BCAR3: variants seen among roughly 807,000 people sequenced by gnomAD.
BCAR3 encodes the protein BCAR3 adaptor protein, NSP family member.
A neutral mutation model predicts 80.1 loss-of-function variants in BCAR3; 37 were observed. The ratio of observed to expected loss-of-function variants is 0.46; its 90% CI spans 0.36 to 0.61. The LOEUF is 0.61. Among genes scored for constraint, BCAR3 ranks in the 20% least tolerant of loss-of-function variants. The probability of loss-of-function intolerance (pLI) is 0.00; values close to 1 mark genes in which losing one functional copy is unlikely to be tolerated. For synonymous variants in BCAR3, 389 were observed against 418.9 expected, an observed-to-expected ratio of 0.93 and a Z score of 0.87; for missense variants, 978 against 1,068.2, an observed-to-expected ratio of 0.92 and a Z score of 1.18.
At chr1:93,582,199 A>T in intron 7 of BCAR3, 102 bp downstream of exon 7, 1 of 1,431,104 alleles carries the variant, frequency 7.0e-7, no homozygotes, top group Non-Finnish European at 9.4e-7. Flanking sequence ...GGCCAGATGG[A>T]TCCCCTCCTT....
intron 3 of BCAR3, among the ~76,000 whole-genome samples, chr1:93,639,873 T>C (rs998807872): frequency 7.9e-5 from 12 of 152,242 alleles, no homozygotes; most frequent in African/African-American, 2.4e-4. Context: ...AACTGGGTGC[T>C]TCCCCTGCCT....
intron 11 of BCAR3, among the ~76,000 whole-genome samples, chr1:93,564,383 A>G (rs1672848468): frequency 6.7e-6 from 1 of 149,234 alleles, no homozygotes; most frequent in Non-Finnish European, 1.5e-5. Flanking sequence ...GGTTCAAGCA[A>G]TTCTCCTGCC....
At chr1:93,703,833 G>A (rs979532738) in intron 3 of BCAR3, among the ~76,000 whole-genome samples, 1 of 152,172 alleles carries the variant, frequency 6.6e-6, no homozygotes, top group Non-Finnish European at 1.5e-5. Context: ...GCAGACAAAT[G>A]ACAAACAACA....
intron 2 of BCAR3, among the ~76,000 whole-genome samples, chr1:93,657,145 C>T (rs1571014459): frequency 6.6e-6 from 1 of 152,162 alleles, no homozygotes. Context: ...GAATTCCCAA[C>T]CAACATAAAG....
At chr1:93,753,124 A>C (rs1557676440) in intron 2 of BCAR3, 2 of 152,224 alleles carry the variant, frequency 1.3e-5, no homozygotes, top group Non-Finnish European at 1.5e-5. Context: ...GTTCAACTTT[A>C]AGAACCTTTG....
chr1:93,836,200 C>T (rs1273336586), intron 2 of BCAR3, among the ~76,000 whole-genome samples: 1 of 152,178 alleles, frequency 6.6e-6, no homozygotes. Flanking sequence ...TGTACGGACA[C>T]TCCCTTTTAT....
chr1:93,659,924 G>A (rs1278311113), intron 2 of BCAR3, among the ~76,000 whole-genome samples: 2 of 151,976 alleles, frequency 1.3e-5, no homozygotes, highest in Admixed American at 1.3e-4. Flanking sequence ...ATTACAATTC[G>A]ATATACCATG....
intron 2 of BCAR3, among the ~76,000 whole-genome samples, chr1:93,667,513 CTT>C (rs1211923720): frequency 6.6e-6 from 1 of 152,212 alleles, no homozygotes; most frequent in Non-Finnish European, 1.5e-5. Context: ...GATTATCTGT[CTT>C]GTGTTTTTTC....
chr1:93,689,323 T>C (rs980352348), intron 3 of BCAR3, among the ~76,000 whole-genome samples: 13 of 151,978 alleles, frequency 8.6e-5, no homozygotes, highest in South Asian at 4.2e-4. Context: ...CTGCCTCTAC[T>C]AAAAATACAA....
At chr1:93,826,586 T>C (rs1654380623) in intron 2 of BCAR3, among the ~76,000 whole-genome samples, 1 of 152,206 alleles carries the variant, frequency 6.6e-6, no homozygotes. Context: ...GTGATCCTCA[T>C]GCTGCCAGGT....
At position 93,810,587 on chromosome 1, in the gene BCAR3, G is replaced by A. The variant is rs186762995; in HGVS notation, c.-63+34980C>T. 6.8e-3 allele frequency among the ~76,000 whole-genome samples: 1,030 copies of A among 152,250 alleles called. 33 individuals are homozygous for A. The highest frequency in any genetic ancestry group is 0.063 in the Admixed American group (970 of 15,298). On this transcript the variant is annotated intron_variant, in intron 2 of 13. Transcript: ENST00000370244. Reference sequence around the variant, plus strand: ...TGCAGCATCATCCTTCTCCATGCATGCCAAGGCCCACTGTCAGCAGCCTTT... The same window carrying A: ...TGCAGCATCATCCTTCTCCATGCATACCAAGGCCCACTGTCAGCAGCCTTT...
Position 93,571,770 on chromosome 1 carries a change from GCCGCTCGGTCCTCCAAAGTGC to G in BCAR3, c.1853_1873del (p.Gly618_Ala624del), listed in dbSNP as rs1457178740. The G allele has an allele frequency of 1.2e-6, 2 of 1,614,120 alleles. No homozygotes were observed. The highest frequency in any genetic ancestry group is 1.7e-6 in the Non-Finnish European group (2 of 1,180,022). On this transcript the variant is annotated inframe_deletion, in exon 9 of 12. Transcript: ENST00000260502. ...CACCTGGATGATCTTACTCAGAGTG[GCCGCTCGGTCCTCCAAAGTGC>G]CCGTGCATCCCAGAATGTCCACTGC...
intron 3 of BCAR3, among the ~76,000 whole-genome samples, chr1:93,598,402 G>C (rs949176229): frequency 3.3e-5 from 5 of 152,178 alleles, no homozygotes; most frequent in African/African-American, 9.7e-5. Context: ...TGTAAGAAAG[G>C]CTTCCTAGTT....
At chr1:93,613,727 GC>G in intron 3 of BCAR3, 2 of 1,247,164 alleles carry the variant, frequency 1.6e-6, no homozygotes, top group Non-Finnish European at 1.1e-6. Context: ...GTCAAAGAAA[GC>G]ACCTCTGTTT....
At chr1:93,722,503 G>A (rs72721079) in intron 2 of BCAR3, among the ~76,000 whole-genome samples, 4 of 152,336 alleles carry the variant, frequency 2.6e-5, no homozygotes, top group Admixed American at 6.5e-5. Flanking sequence ...ACTCTAAGCC[G>A]CAGGCAGCCA....
intron 2 of BCAR3, among the ~76,000 whole-genome samples, chr1:93,827,479 A>C (rs1571154662): frequency 1.3e-5 from 2 of 152,054 alleles, no homozygotes; most frequent in South Asian, 2.1e-4. Context: ...GGGCTGTCTC[A>C]GCTACTTCCT....
chr1:93,583,578 A>C (rs1673815340), intron 6 of BCAR3, among the ~76,000 whole-genome samples: 1 of 152,130 alleles, frequency 6.6e-6, no homozygotes, highest in African/African-American at 2.4e-5. Flanking sequence ...TGGAAGCAGA[A>C]TGGAGAGGAA....
rs556396900 is a variant in BCAR3 at position 93,671,208 on chromosome 1, T to C, written c.317+3406A>G. Among the ~76,000 whole-genome samples the C allele has an allele frequency of 1.1e-3, 163 of 152,280 alleles. 2 individuals carry two copies. Among genetic ancestry groups the C allele is most frequent in the African/African-American group, 3.8e-3 (158 of 41,554 alleles). ...TGGGGTTTCGTCATGTTGGCCAGGA[T>C]GGTCTCGAACTCCTGACCTCGTGAT... is the stretch of plus-strand genomic sequence containing the variant. On this transcript the variant is annotated intron_variant, in intron 2 of 11. Coordinates refer to ENST00000260502, the MANE Select transcript of BCAR3 (RefSeq NM_003567.4).
upstream of BCAR3, among the ~76,000 whole-genome samples, chr1:93,685,676 T>C (rs761089074): frequency 3.9e-5 from 6 of 152,206 alleles, no homozygotes; most frequent in African/African-American, 1.4e-4. Context: ...CAAGGGTATA[T>C]GCATTTGTAA....
Sources: allele counts gnomAD v4.1 joint callset (sites outside exome capture counted in the v4.1 genomes callset), GRCh38; gene constraint gnomAD v4.1.1; transcripts MANE v1.5; gene names NCBI Gene and HGNC (gene_info 2026-07-23, HGNC 2026-07-21).